Variants in FHIT observed in about 807,000 individuals in gnomAD.
FHIT encodes fragile histidine triad diadenosine triphosphatase, also known as bis(5'-adenosyl)-triphosphatase.
In FHIT, 19 loss-of-function variants were observed where a neutral mutation model predicts 17.9. The ratio of observed to expected loss-of-function variants is 1.06; its 90% CI spans 0.74 to 1.56. FHIT has a LOEUF of 1.56. Ranked by LOEUF, FHIT falls within the 40% of genes most tolerant of loss-of-function variation. The pLI, the probability that FHIT is intolerant of heterozygous loss-of-function variation, is 0.00. For missense variants in FHIT, 248 were observed against 189.2 expected (o/e 1.31, Z -1.82); for synonymous variants, 81 against 69.7 (o/e 1.16, Z -0.81).
chr3:60,690,290 G>A (rs900835500), intron 4 of FHIT: 22 of 554,834 alleles, frequency 4.0e-5, no homozygotes, highest in South Asian at 6.9e-5. Context: ...AACACAAAGC[G>A]CTCCATGGCC....
At chr3:59,894,944 G>T (rs997092476) in intron 8 of FHIT, among the ~76,000 whole-genome samples, 1 of 152,226 alleles carries the variant, frequency 6.6e-6, no homozygotes, top group Admixed American at 6.5e-5. Flanking sequence ...CAGGTGATGA[G>T]AACAGACTTC....
At chr3:61,103,482 T>C (rs2035896910) in intron 2 of FHIT, among the ~76,000 whole-genome samples, 1 of 152,194 alleles carries the variant, frequency 6.6e-6, no homozygotes, top group Non-Finnish European at 1.5e-5. Context: ...AACTTTGTGG[T>C]CAATTTTAGA....
intron 5 of FHIT, among the ~76,000 whole-genome samples, chr3:60,325,308 C>A (rs1365869622): frequency 6.6e-6 from 1 of 152,076 alleles, no homozygotes; most frequent in African/African-American, 2.4e-5. Flanking sequence ...CCTTAAGCCT[C>A]ATATTGAGTT....
intron 4 of FHIT, chr3:60,732,154 T>C (rs1156316517): frequency 2.3e-5 from 18 of 779,250 alleles, no homozygotes; most frequent in Non-Finnish European, 3.3e-5. Flanking sequence ...TTAGTAGAGC[T>C]GTCCACAGTC....
chr3:60,651,724 C>G (rs1399812997), intron 4 of FHIT, among the ~76,000 whole-genome samples: 1 of 152,162 alleles, frequency 6.6e-6, no homozygotes, highest in Admixed American at 6.5e-5. Flanking sequence ...ATGAAACCTT[C>G]CTGCAACTTT....
chr3:60,567,591 C>G (rs1228016692), intron 4 of FHIT, among the ~76,000 whole-genome samples: 7 of 152,020 alleles, frequency 4.6e-5, no homozygotes, highest in Admixed American at 4.6e-4. Context: ...GCAACAAAAG[C>G]CAAAATTGAC....
intron 5 of FHIT, among the ~76,000 whole-genome samples, chr3:60,515,994 G>A (rs987634011): frequency 6.6e-6 from 1 of 152,114 alleles, no homozygotes; most frequent in African/African-American, 2.4e-5. Flanking sequence ...ACATTTTTAA[G>A]TGAACACTCA....
At chr3:60,896,664 A>C (rs1489840762) in intron 3 of FHIT, among the ~76,000 whole-genome samples, 1 of 152,252 alleles carries the variant, frequency 6.6e-6, no homozygotes, top group African/African-American at 2.4e-5. Context: ...CTGGGCAGGT[A>C]CCTTCCAACC....
chr3:60,902,560 T>G (rs1553763454), intron 3 of FHIT, among the ~76,000 whole-genome samples: 1 of 152,170 alleles, frequency 6.6e-6, no homozygotes, highest in Non-Finnish European at 1.5e-5. Context: ...GGGCACATGG[T>G]TTGATGTAAC....
At chr3:59,929,363 G>GTTTTTTTTTTTTTTTTTTT (rs869243844) in intron 7 of FHIT, among the ~76,000 whole-genome samples, 1 of 67,066 alleles carries the variant, frequency 1.5e-5, no homozygotes, top group African/African-American at 5.7e-5. Context: ...TGTTTTTTTG[G>GTTTTTTTTTTTTTTTTTTT]TTTTTTTTTT....
chr3:61,219,199 A>T (rs534077647), intron 1 of FHIT, among the ~76,000 whole-genome samples: 69 of 152,316 alleles, frequency 4.5e-4, no homozygotes, highest in Non-Finnish European at 7.9e-4. Context: ...AATATTATGG[A>T]ACCATGGTCC....
chr3:60,488,570 C>A (rs1330737199), intron 5 of FHIT, among the ~76,000 whole-genome samples: 1 of 152,004 alleles, frequency 6.6e-6, no homozygotes, highest in Non-Finnish European at 1.5e-5. Context: ...GTCTGGGGGC[C>A]ATGAGGGAGG....
At chr3:60,942,446 T>C (rs1484973929) in intron 3 of FHIT, among the ~76,000 whole-genome samples, 1 of 152,198 alleles carries the variant, frequency 6.6e-6, no homozygotes, top group African/African-American at 2.4e-5. Flanking sequence ...TTAGAAGGTA[T>C]ATTTTCAAGA....
At chr3:60,589,048 GCAGGTGACTCACCCGTTGGAGTCA>G (rs1370951550) in intron 4 of FHIT, among the ~76,000 whole-genome samples, 3 of 152,114 alleles carry the variant, frequency 2.0e-5, no homozygotes, top group East Asian at 1.9e-4. Flanking sequence ...GTTCTACCGG[GCAGGTGACTCACCCGTTGGAGTCA>G]CAGGTGACTC....
Position 59,771,025 on chromosome 3 carries a change from C to T in FHIT, c.349-18704G>A, listed in dbSNP as rs868764357. ...TGCACATCGCCTCTTTTATTTAACA[C>T]GTAAAATGACTGCTTGAAATACCTG... is the stretch of plus-strand genomic sequence containing the variant. On this transcript the variant is annotated intron_variant, in intron 8 of 9. Coordinates refer to ENST00000492590, the MANE Select transcript of FHIT (RefSeq NM_002012.4). 9.2e-5 allele frequency among the ~76,000 whole-genome samples: 14 copies of T among 152,292 alleles called. No homozygotes were observed. The South Asian group carries it at 1.2e-3, about 14-fold the overall frequency.
At chr3:60,117,123 A>T (rs897957718) in intron 5 of FHIT, among the ~76,000 whole-genome samples, 2 of 139,744 alleles carry the variant, frequency 1.4e-5, no homozygotes, top group Non-Finnish European at 3.2e-5. Flanking sequence ...AGAGATAATT[A>T]ATTGCTAAAT....
chr3:60,063,557 T>A (rs570013258), intron 5 of FHIT, among the ~76,000 whole-genome samples: 2 of 152,106 alleles, frequency 1.3e-5, no homozygotes, highest in African/African-American at 2.4e-5. Context: ...GCCATTCAAT[T>A]TTTTTAGAAG....
chr3:61,245,870 G>T (rs1379848238), intron 1 of FHIT, among the ~76,000 whole-genome samples: 1 of 152,136 alleles, frequency 6.6e-6, no homozygotes, highest in African/African-American at 2.4e-5. Flanking sequence ...TTCAATAGGG[G>T]CTGAGTAAAA....
chr3:60,788,411 C>T (rs547840904), intron 4 of FHIT, among the ~76,000 whole-genome samples: 12 of 152,170 alleles, frequency 7.9e-5, no homozygotes, highest in East Asian at 5.8e-4. Flanking sequence ...ACAACAATTT[C>T]CTATGAAAAA....
Sources: gnomAD v4.1 joint callset for allele counts (sites outside exome capture counted in the v4.1 genomes callset) on GRCh38, gnomAD v4.1.1 for gene constraint, MANE v1.5 for transcripts, NCBI Gene and HGNC (gene_info 2026-07-23, HGNC 2026-07-21) for gene names.